The following CDH13 variants were observed in gnomAD, a reference collection of about 807,000 sequenced individuals.
CDH13 encodes the protein cadherin 13.
In CDH13, 24 loss-of-function variants were observed where a neutral mutation model predicts 63.8. The observed-to-expected ratio is 0.38, with a 90% CI of 0.27 to 0.53. The LOEUF (loss-of-function observed/expected upper bound fraction) is 0.53. CDH13 is among the 20% of genes least tolerant of loss of function. The probability of loss-of-function intolerance (pLI) is 0.85; values close to 1 mark genes in which losing one functional copy is unlikely to be tolerated. For synonymous variants in CDH13, 503 were observed against 355.3 expected, an observed-to-expected ratio of 1.42 and a Z score of -4.67; for missense variants, 1,049 against 903.1, an observed-to-expected ratio of 1.16 and a Z score of -2.07.
At chr16:83,345,559 A>T (rs1459118379) in intron 6 of CDH13, among the ~76,000 whole-genome samples, 3 of 152,206 alleles carry the variant, frequency 2.0e-5, no homozygotes, top group Non-Finnish European at 4.4e-5. Flanking sequence ...ACTGTTATAG[A>T]AGTCACTCAA....
intron 6 of CDH13, among the ~76,000 whole-genome samples, chr16:83,369,115 C>G (rs917365935): frequency 2.6e-5 from 4 of 151,218 alleles, no homozygotes; most frequent in African/African-American, 9.7e-5. Flanking sequence ...AGTAGGTCTA[C>G]TTTTAGTTCT....
chr16:82,821,498 C>T (rs1597704006), intron 1 of CDH13, among the ~76,000 whole-genome samples: 2 of 152,328 alleles, frequency 1.3e-5, no homozygotes, highest in South Asian at 4.1e-4. Context: ...GCCCTATCCA[C>T]ATTCCTTCTT....
At chr16:82,835,909 C>T (rs1363772337) in intron 1 of CDH13, among the ~76,000 whole-genome samples, 1 of 152,142 alleles carries the variant, frequency 6.6e-6, no homozygotes, top group African/African-American at 2.4e-5. Context: ...TACCAACACC[C>T]CCAGGAGAAA....
chr16:83,772,918 C>G (rs1464611951), intron 11 of CDH13: 2 of 152,148 alleles, frequency 1.3e-5, no homozygotes, highest in East Asian at 3.9e-4. Flanking sequence ...TTATTCAAGG[C>G]TACAATAAGG....
At chr16:83,562,342 A>T (rs1409403538) in intron 7 of CDH13, among the ~76,000 whole-genome samples, 2 of 152,226 alleles carry the variant, frequency 1.3e-5, no homozygotes, top group South Asian at 2.1e-4. Context: ...ATAGAAAAAA[A>T]AATTGCAAAG....
At chr16:83,035,288 G>C (rs1033895176) in intron 3 of CDH13, among the ~76,000 whole-genome samples, 1 of 152,096 alleles carries the variant, frequency 6.6e-6, no homozygotes, top group East Asian at 1.9e-4. Context: ...GAGGGAATAC[G>C]AATGTGTGCA....
At chr16:83,697,790 G>A (rs1567524319) in intron 10 of CDH13, among the ~76,000 whole-genome samples, 1 of 152,206 alleles carries the variant, frequency 6.6e-6, no homozygotes, top group Non-Finnish European at 1.5e-5. Flanking sequence ...TGGGATTACA[G>A]GCATGCGCCA....
rs149089202 is a variant in CDH13, at chr16:82,774,969, G to A, written c.46-83393G>A. On this transcript the variant is annotated intron_variant, in intron 1 of 13. Coordinates refer to ENST00000567109, the MANE Select transcript of CDH13 (RefSeq NM_001257.5). The stretch of plus-strand genomic sequence containing the variant: ...TTTGACTTGGAAATAAAATGGATCA[G>A]TTCTACCTGCAGCCCAGGAGCAAGA... Among the ~76,000 whole-genome samples the A allele has an allele frequency of 8.4e-3, 1,281 of 152,290 alleles. 8 individuals are homozygous for A. The highest frequency in any genetic ancestry group is 0.034 in the South Asian group (164 of 4,828).
intron 2 of CDH13, among the ~76,000 whole-genome samples, chr16:83,015,671 G>GTGTGTGTA (rs71146102): frequency 1.8e-4 from 10 of 54,922 alleles, no homozygotes; most frequent in Non-Finnish European, 3.7e-4. Context: ...GTGTGTGTGT[G>GTGTGTGTA]TGTATGTATA....
intron 4 of CDH13, among the ~76,000 whole-genome samples, chr16:83,144,254 A>C (rs2036654324): frequency 6.6e-6 from 1 of 152,180 alleles, no homozygotes. Flanking sequence ...TGGATAGTCA[A>C]GGCACCTTTT....
At chr16:83,201,871 C>T (rs1053355919) in intron 4 of CDH13, among the ~76,000 whole-genome samples, 3 of 152,012 alleles carry the variant, frequency 2.0e-5, no homozygotes, top group Non-Finnish European at 2.9e-5. Context: ...GCTGAGATCA[C>T]GCAACTGCAC....
At chr16:83,117,795 C>G (rs1406685462) in intron 3 of CDH13, among the ~76,000 whole-genome samples, 1 of 152,176 alleles carries the variant, frequency 6.6e-6, no homozygotes, top group Non-Finnish European at 1.5e-5. Flanking sequence ...AACCCCTCCC[C>G]TGCCCCTCAC....
At chr16:83,251,983 G>T (rs533877200) in intron 5 of CDH13, among the ~76,000 whole-genome samples, 1 of 151,688 alleles carries the variant, frequency 6.6e-6, no homozygotes, top group African/African-American at 2.4e-5. Flanking sequence ...GGTCAGCAGT[G>T]TCCTGTATTG....
chr16:82,968,430 G>T (rs1355816644), intron 2 of CDH13, among the ~76,000 whole-genome samples: 1 of 152,154 alleles, frequency 6.6e-6, no homozygotes, highest in African/African-American at 2.4e-5. Flanking sequence ...TTAAAAGCTG[G>T]TAGTAGGGAT....
intron 3 of CDH13, among the ~76,000 whole-genome samples, chr16:83,035,486 G>T (rs1397665026): frequency 6.6e-6 from 1 of 152,184 alleles, no homozygotes; most frequent in South Asian, 2.1e-4. Flanking sequence ...ACTGTGTTCT[G>T]CCTCATAGTG....
intron 7 of CDH13, among the ~76,000 whole-genome samples, chr16:83,490,009 C>CCACACACACA (rs10666213): frequency 9.5e-4 from 131 of 137,380 alleles, no homozygotes; most frequent in African/African-American, 2.9e-3. Flanking sequence ...GCTGCAGAAA[C>CCACACACACA]CACACACACA....
intron 2 of CDH13, among the ~76,000 whole-genome samples, chr16:82,878,018 C>T (rs975535356): frequency 4.6e-5 from 7 of 150,792 alleles, no homozygotes; most frequent in African/African-American, 1.5e-4. Context: ...CTAAACTAAT[C>T]GAAAGTAAGA....
chr16:83,557,660 G>A (rs1020359793), intron 7 of CDH13, among the ~76,000 whole-genome samples: 3 of 152,104 alleles, frequency 2.0e-5, no homozygotes, highest in Non-Finnish European at 2.9e-5. Flanking sequence ...AGTTGAGTCT[G>A]GGAGGTACTG....
intron 4 of CDH13, among the ~76,000 whole-genome samples, chr16:83,209,444 T>A (rs961128810): frequency 2.0e-5 from 3 of 152,102 alleles, no homozygotes; most frequent in Non-Finnish European, 2.9e-5. Flanking sequence ...ATCAGGTGCA[T>A]TTACCATGCA....
Sources: gnomAD v4.1 joint callset for allele counts (sites outside exome capture counted in the v4.1 genomes callset) on GRCh38, gnomAD v4.1.1 for gene constraint, MANE v1.5 for transcripts, NCBI Gene and HGNC (gene_info 2026-07-23, HGNC 2026-07-21) for gene names.